NREP: variants seen among roughly 807,000 people sequenced by gnomAD.
NREP encodes neuronal regeneration related protein.
Under a neutral mutation model 8.6 loss-of-function variants are expected in NREP, and 5 were observed. The observed-to-expected ratio is 0.58, with a 90% CI of 0.30 to 1.22. The LOEUF is 1.22. Among genes scored for constraint, NREP ranks in the 50% most tolerant of loss-of-function variants. The pLI is 0.07. For synonymous variants in NREP, 27 were observed against 28.0 expected (o/e 0.96, Z 0.11); for missense variants, 86 against 82.5 (o/e 1.04, Z -0.17).
intron 2 of NREP, among the ~76,000 whole-genome samples, chr5:111,816,667 A>G (rs1187252933): frequency 6.6e-6 from 1 of 151,842 alleles, no homozygotes; most frequent in Admixed American, 6.6e-5. Context: ...ATCAACAAGA[A>G]AAGGAAATGG....
rs569773401 is a variant in NREP at position 111,863,146 on chromosome 5, G to T, written c.135+112128C>A. 2.7e-4 allele frequency among the ~76,000 whole-genome samples: 41 copies of T among 152,036 alleles called. No homozygotes were observed. In the South Asian group the frequency reaches 8.1e-3, roughly 30 times the overall value. On this transcript the variant is annotated intron_variant, in intron 2 of 3. Coordinates refer to the NREP transcript ENST00000395634. ...CTGTAGCAGTGTCCAGGTAAAAAAT[G>T]GTGGTGGTTAGGCACAGAATAATGG...
chr5:111,926,251 C>T (rs1314093368), intron 2 of NREP, among the ~76,000 whole-genome samples: 1 of 152,030 alleles, frequency 6.6e-6, no homozygotes, highest in Non-Finnish European at 1.5e-5. Context: ...ACTAGAGGAG[C>T]CAACAGTGCA....
chr5:111,894,112 G>A (rs1458855258), intron 2 of NREP, among the ~76,000 whole-genome samples: 9 of 152,032 alleles, frequency 5.9e-5, no homozygotes, highest in Non-Finnish European at 1.0e-4. Context: ...CCAGCTACTC[G>A]GGAGGCTGAG....
At chr5:111,905,107 A>G (rs969145790) in intron 2 of NREP, among the ~76,000 whole-genome samples, 2 of 152,082 alleles carry the variant, frequency 1.3e-5, no homozygotes, top group Non-Finnish European at 1.5e-5. Context: ...ATAAATTTGT[A>G]TGTTATTTCT....
At chr5:111,827,694 T>C (rs941634795) in intron 2 of NREP, among the ~76,000 whole-genome samples, 1 of 151,982 alleles carries the variant, frequency 6.6e-6, no homozygotes, top group Non-Finnish European at 1.5e-5. Flanking sequence ...AATACAAAAA[T>C]TAGCTGGGTG....
rs1225782852 is a variant in NREP at position 111,809,870 on chromosome 5, C to CGCGT, written c.136-74364_136-74363insACGC. Reference sequence around the variant, plus strand: ...ACCACCTCATTGACTGGGACTTTGGCGTGTGTGTGTGTGTGTGTGTGTGTG... The same window carrying CGCGT: ...ACCACCTCATTGACTGGGACTTTGGCGCGTGTGTGTGTGTGTGTGTGTGTGTGTG... On this transcript the variant is annotated intron_variant, in intron 2 of 3. Transcript: ENST00000395634. Among the ~76,000 whole-genome samples the CGCGT allele has an allele frequency of 4.1e-3, 592 of 144,198 alleles. 3 individuals carry two copies. The highest frequency in any genetic ancestry group is 0.014 in the African/African-American group (550 of 38,560). The allele number at this position is 144,198 out of a possible 152,430, so 94.6% of individuals were successfully genotyped here.
In NREP at chr5:111,793,307, C is replaced by A. The variant is rs1751793697; in HGVS notation, c.136-57800G>T. Among the ~76,000 whole-genome samples, 2 of 152,036 alleles carry A rather than the reference C, an allele frequency of 1.3e-5. 1 individual carries two copies. The highest frequency in any genetic ancestry group is 4.2e-4 in the South Asian group (2 of 4,814). On this transcript the variant is annotated intron_variant, in intron 2 of 3. Coordinates refer to the NREP transcript ENST00000395634. ...GAGAAGTCCCACAACACGCCATCTG[C>A]AAGCTGGAGAACGAGGAAAGCTAGC...
intron 2 of NREP, among the ~76,000 whole-genome samples, chr5:111,796,982 T>C (rs1274650471): frequency 6.6e-6 from 1 of 151,984 alleles, no homozygotes; most frequent in Non-Finnish European, 1.5e-5. Context: ...ATGGGGCCCA[T>C]ACTGCTAAGA....
In NREP at chr5:111,883,415, G is replaced by C. The variant is rs1047389655; in HGVS notation, c.135+91859C>G. Among the ~76,000 whole-genome samples the C allele has an allele frequency of 1.0e-3, 151 of 151,590 alleles. 1 individual carries two copies. The highest frequency in any genetic ancestry group is 6.3e-3 in the South Asian group (30 of 4,778). On this transcript the variant is annotated intron_variant, in intron 2 of 3. Coordinates refer to the NREP transcript ENST00000395634. ...CACTGTCAACATTAGACAGATCAACGAGACAGAAAGTTAACAAGGATACCC... is the reference window on the plus strand; with the variant it reads ...CACTGTCAACATTAGACAGATCAACCAGACAGAAAGTTAACAAGGATACCC...
chr5:111,967,765 T>A (rs1304484007), intron 2 of NREP, among the ~76,000 whole-genome samples: 1 of 152,082 alleles, frequency 6.6e-6, no homozygotes, highest in Non-Finnish European at 1.5e-5. Context: ...ATCTTTTCTG[T>A]CTTCCCCAAC....
chr5:111,961,478 C>T (rs892333437), intron 2 of NREP, among the ~76,000 whole-genome samples: 1 of 152,180 alleles, frequency 6.6e-6, no homozygotes, highest in Non-Finnish European at 1.5e-5. Flanking sequence ...GTTTTTCTCC[C>T]TGGCTTCCTT....
chr5:111,788,971 C>T (rs1751677098), intron 2 of NREP, among the ~76,000 whole-genome samples: 2 of 152,204 alleles, frequency 1.3e-5, no homozygotes, highest in Admixed American at 1.3e-4. Flanking sequence ...ATCAGCTCTT[C>T]CCGCCTGACA....
chr5:111,872,358 T>C (rs115214639), intron 2 of NREP, among the ~76,000 whole-genome samples: 7,333 of 152,256 alleles, frequency 0.048, 618 homozygotes, highest in African/African-American at 0.17. Flanking sequence ...CTCCACATTG[T>C]GGAGGGCAAC....
At chr5:111,764,534 T>C (rs1238676912) in intron 2 of NREP, among the ~76,000 whole-genome samples, 2 of 152,138 alleles carry the variant, frequency 1.3e-5, no homozygotes, top group African/African-American at 2.4e-5. Flanking sequence ...GTGAGACTTA[T>C]TCACTATCAC....
At chr5:111,911,273 G>T (rs1046611213) in intron 2 of NREP, among the ~76,000 whole-genome samples, 1 of 152,100 alleles carries the variant, frequency 6.6e-6, no homozygotes, top group African/African-American at 2.4e-5. Context: ...ATAGAACAGT[G>T]TCTGACACAT....
chr5:111,967,187 T>C (rs1210699899), intron 2 of NREP, among the ~76,000 whole-genome samples: 1 of 152,204 alleles, frequency 6.6e-6, no homozygotes, highest in African/African-American at 2.4e-5. Flanking sequence ...TGAGAAACCC[T>C]GACCTAGTGG....
intron 2 of NREP, among the ~76,000 whole-genome samples, chr5:111,791,581 G>A (rs1467779843): frequency 6.6e-6 from 1 of 152,034 alleles, no homozygotes; most frequent in Non-Finnish European, 1.5e-5. Context: ...TAGGCCCAAC[G>A]ATCTTCCCTT....
intron 2 of NREP, among the ~76,000 whole-genome samples, chr5:111,837,141 A>G (rs998976413): frequency 6.6e-6 from 1 of 152,130 alleles, no homozygotes; most frequent in African/African-American, 2.4e-5. Context: ...TGAAATTTAG[A>G]TACTATTACA....
At chr5:111,869,930 A>G (rs979913282) in intron 2 of NREP, among the ~76,000 whole-genome samples, 1 of 152,174 alleles carries the variant, frequency 6.6e-6, no homozygotes, top group African/African-American at 2.4e-5. Flanking sequence ...ATCAGAAGAG[A>G]CATTGTACAC....
Sources: gnomAD v4.1 joint callset for allele counts (sites outside exome capture counted in the v4.1 genomes callset) on GRCh38, gnomAD v4.1.1 for gene constraint, MANE v1.5 for transcripts, NCBI Gene and HGNC (gene_info 2026-07-23, HGNC 2026-07-21) for gene names.